PTPRT: variants seen among roughly 807,000 people sequenced by gnomAD.
PTPRT encodes the protein protein tyrosine phosphatase receptor type T.
Under a neutral mutation model 176.8 loss-of-function variants are expected in PTPRT, and 56 were observed. The observed-to-expected ratio is 0.32, with a 90% confidence interval of 0.26 to 0.40. The LOEUF (loss-of-function observed/expected upper bound fraction) is 0.40. Ranked by LOEUF, PTPRT falls within the 10% of genes least tolerant of loss-of-function variation. PTPRT has a pLI of 1.00. For missense variants in PTPRT, 1,540 were observed against 1,908.2 expected, an observed-to-expected ratio of 0.81 and a Z score of 3.60; for synonymous variants, 783 against 739.0, an observed-to-expected ratio of 1.06 and a Z score of -0.96.
At chr20:42,961,350 G>T (rs1981972075) in intron 1 of PTPRT, among the ~76,000 whole-genome samples, 1 of 152,152 alleles carries the variant, frequency 6.6e-6, no homozygotes, top group African/African-American at 2.4e-5. Flanking sequence ...ATTCCAAGCA[G>T]ACCTCCATAT....
At chr20:42,556,908 G>A (rs1264691895) in intron 7 of PTPRT, among the ~76,000 whole-genome samples, 1 of 152,142 alleles carries the variant, frequency 6.6e-6, no homozygotes, top group African/African-American at 2.4e-5. Context: ...CAATCAGAAA[G>A]AGCTACTCCG....
intron 13 of PTPRT, 23 bp from the exon 14 acceptor site, chr20:42,248,845 A>G: frequency 6.2e-7 from 1 of 1,610,836 alleles, no homozygotes; most frequent in Non-Finnish European, 8.5e-7. Context: ...AGGGAAGGAT[A>G]GCAATGTTGA....
intron 8 of PTPRT, among the ~76,000 whole-genome samples, chr20:42,463,584 C>T (rs745523604): frequency 2.3e-4 from 35 of 152,042 alleles, no homozygotes; most frequent in Non-Finnish European, 7.4e-5. Flanking sequence ...GAAGTTTTCT[C>T]CTCTCCTCTC....
intron 1 of PTPRT, among the ~76,000 whole-genome samples, chr20:43,153,197 T>C (rs2014415025): frequency 6.6e-6 from 1 of 152,152 alleles, no homozygotes. Context: ...AGATACATAG[T>C]GGACACCAAT....
the PTPRT span, among the ~76,000 whole-genome samples, chr20:42,062,395 C>T: frequency 1.3e-5 from 2 of 152,168 alleles, no homozygotes; most frequent in African/African-American, 4.8e-5. Context: ...GCCACTGGGG[C>T]ATCAGGAAGA....
At chr20:42,804,394 C>T (rs182035181) in intron 2 of PTPRT, among the ~76,000 whole-genome samples, 31 of 152,306 alleles carry the variant, frequency 2.0e-4, no homozygotes, top group African/African-American at 7.5e-4. Flanking sequence ...TGCTGTCCAC[C>T]TCATCCAGTC....
At chr20:42,322,016 T>C (rs1429245637) in intron 11 of PTPRT, among the ~76,000 whole-genome samples, 1 of 152,076 alleles carries the variant, frequency 6.6e-6, no homozygotes, top group African/African-American at 2.4e-5. Flanking sequence ...GAGCTGCAGT[T>C]AGCCGAGATC....
chr20:42,495,926 T>A (rs937539857), intron 7 of PTPRT, among the ~76,000 whole-genome samples: 1 of 152,138 alleles, frequency 6.6e-6, no homozygotes, highest in Non-Finnish European at 1.5e-5. Context: ...CATGTATAAC[T>A]TCTGACCTCC....
At chr20:42,678,596 G>T (rs181605132) in intron 6 of PTPRT, among the ~76,000 whole-genome samples, 2 of 152,194 alleles carry the variant, frequency 1.3e-5, no homozygotes, top group Non-Finnish European at 2.9e-5. Context: ...GAGCCAACAC[G>T]CCTGGCCTGA....
At chr20:42,778,942 A>C (rs2077176152) in intron 4 of PTPRT, among the ~76,000 whole-genome samples, 1 of 152,158 alleles carries the variant, frequency 6.6e-6, no homozygotes, top group Admixed American at 6.5e-5. Flanking sequence ...GCCAGTGCAA[A>C]GAAGAGCCCA....
intron 9 of PTPRT, among the ~76,000 whole-genome samples, chr20:42,387,792 C>CT (rs773081937): frequency 0.043 from 5,896 of 135,832 alleles, 228 homozygotes; most frequent in African/African-American, 0.098. Flanking sequence ...TGCTAATATT[C>CT]TTTTTTTTTT....
chr20:42,490,222 T>C (rs936021832), intron 7 of PTPRT, among the ~76,000 whole-genome samples: 1 of 152,134 alleles, frequency 6.6e-6, no homozygotes, highest in African/African-American at 2.4e-5. Context: ...CTATGATTTT[T>C]CCCCTCTATA....
chr20:42,443,381 T>C (rs1023189715), intron 9 of PTPRT, among the ~76,000 whole-genome samples: 1 of 152,228 alleles, frequency 6.6e-6, no homozygotes, highest in African/African-American at 2.4e-5. Flanking sequence ...CTGCAAGTGA[T>C]GTTAATGATG....
rs536833299 is a variant in PTPRT at position 42,326,336 on chromosome 20, G to A, written c.1866-10340C>T. Among the ~76,000 whole-genome samples the A allele has an allele frequency of 2.6e-5, 4 of 152,226 alleles. 1 individual carries two copies. In the South Asian group the frequency reaches 8.3e-4, roughly 32 times the overall value. The stretch of plus-strand genomic sequence containing the variant: ...AACTTGCCTCTAAAATGGAATAATT[G>A]TGACCAATGCAATAAGACACAAAAC... On this transcript the variant is annotated intron_variant, in intron 11 of 30. Transcript: ENST00000373187.
chr20:42,928,097 A>T (rs1979603161), intron 1 of PTPRT, among the ~76,000 whole-genome samples: 1 of 152,192 alleles, frequency 6.6e-6, no homozygotes, highest in African/African-American at 2.4e-5. Context: ...TGCTTTCCCA[A>T]AGCCTCTATC....
intron 1 of PTPRT, among the ~76,000 whole-genome samples, chr20:42,947,721 A>C (rs1033798514): frequency 3.3e-5 from 5 of 152,112 alleles, no homozygotes; most frequent in African/African-American, 1.2e-4. Context: ...AATTGTGCTC[A>C]TTCACTTTGT....
intron 1 of PTPRT, among the ~76,000 whole-genome samples, chr20:43,110,682 A>G (rs2012818708): frequency 6.6e-6 from 1 of 152,206 alleles, no homozygotes; most frequent in South Asian, 2.1e-4. Flanking sequence ...ACGTTTATTA[A>G]AAATCACTCT....
chr20:42,567,464 G>C (rs1024013773), intron 7 of PTPRT, among the ~76,000 whole-genome samples: 1 of 152,254 alleles, frequency 6.6e-6, no homozygotes, highest in South Asian at 2.1e-4. Context: ...TCTCCATTAA[G>C]AAGCTTCCTG....
intron 7 of PTPRT, among the ~76,000 whole-genome samples, chr20:42,539,895 T>G (rs936796387): frequency 6.6e-6 from 1 of 151,880 alleles, no homozygotes; most frequent in African/African-American, 2.4e-5. Flanking sequence ...AACAAAAGTG[T>G]GGGTATTACA....
Sources: gnomAD v4.1 joint callset for allele counts (sites outside exome capture counted in the v4.1 genomes callset) on GRCh38, gnomAD v4.1.1 for gene constraint, MANE v1.5 for transcripts, NCBI Gene and HGNC (gene_info 2026-07-23, HGNC 2026-07-21) for gene names.